Variants in PLEKHA5 observed in about 807,000 individuals in gnomAD.
PLEKHA5 encodes the protein pleckstrin homology domain-containing family A member 5.
PLEKHA5 carries 55 observed loss-of-function variants against 181.9 expected under a neutral mutation model. That is an observed-to-expected ratio of 0.30 (90% CI 0.24 to 0.38). PLEKHA5 has a LOEUF of 0.38. Among genes scored for constraint, PLEKHA5 ranks in the 10% least tolerant of loss-of-function variants. The pLI, the probability that PLEKHA5 is intolerant of heterozygous loss-of-function variation, is 1.00. For missense variants in PLEKHA5, 1,432 were observed against 1,549.5 expected (o/e 0.92, Z 1.27); for synonymous variants, 535 against 529.4 (o/e 1.01, Z -0.15).
rs543201218 is a variant in PLEKHA5 at position 19,244,063 on chromosome 12, T to C, written c.228-9877T>C. 5.9e-5 allele frequency among the ~76,000 whole-genome samples: 9 copies of C among 152,226 alleles called. No individual in the cohort carries two copies. In the South Asian group the frequency reaches 1.9e-3, roughly 32 times the overall value. On this transcript the variant is annotated intron_variant, in intron 3 of 31. Transcript: ENST00000429027. ...CTATGTGAAACATTAAGAAATTTTATATTTAATAATAATTTTTAAATTACT... is the reference window on the plus strand; with the variant it reads ...CTATGTGAAACATTAAGAAATTTTACATTTAATAATAATTTTTAAATTACT...
intron 20 of PLEKHA5, among the ~76,000 whole-genome samples, chr12:19,331,664 A>T (rs1311714003): frequency 6.6e-6 from 1 of 152,142 alleles, no homozygotes; most frequent in African/African-American, 2.4e-5. Flanking sequence ...CTCAGTACAG[A>T]CTACATAGAA....
intron 20 of PLEKHA5, 118 bp from the exon 21 acceptor site, chr12:19,336,397 C>G (rs1222002016): frequency 1.8e-6 from 1 of 551,286 alleles, no homozygotes; most frequent in Non-Finnish European, 3.1e-6. Flanking sequence ...TATAAAAATT[C>G]CTGTTTTGCT....
chr12:19,225,609 G>C lies in PLEKHA5; in HGVS notation c.228-28331G>C, dbSNP rs546217133. 6.6e-5 allele frequency among the ~76,000 whole-genome samples: 10 copies of C among 152,248 alleles called. No homozygotes were observed. In the South Asian group the frequency reaches 2.1e-3, roughly 32 times the overall value. ...TCTGTTAAACCCATTTTTCTCATGA[G>C]AAGCAACAAAAGCATTATAAGGTGA... On this transcript the variant is annotated intron_variant, in intron 3 of 31. Coordinates refer to ENST00000429027, the MANE Select transcript of PLEKHA5 (RefSeq NM_001256470.2).
At chr12:19,363,142 T>TTG (rs1565667560) in intron 29 of PLEKHA5, among the ~76,000 whole-genome samples, 1 of 149,064 alleles carries the variant, frequency 6.7e-6, no homozygotes, top group African/African-American at 2.4e-5. Flanking sequence ...TGTTGTTGTT[T>TTG]TTTTGTTTTT....
intron 30 of PLEKHA5, among the ~76,000 whole-genome samples, chr12:19,367,312 G>A (rs1312042450): frequency 7.9e-6 from 1 of 126,100 alleles, no homozygotes; most frequent in Non-Finnish European, 1.6e-5. Context: ...CTGGAGTGAT[G>A]TGGCGTGATC....
rs2095411165 is a variant in PLEKHA5, at chr12:19,365,902, A to C, written c.3609-62A>C. 6 of 1,214,154 alleles carry C rather than the reference A, an allele frequency of 4.9e-6. 1 individual carries two copies. The South Asian group carries it at 9.1e-5, about 18-fold the overall frequency. The allele number at this position is 1,214,154 out of a possible 1,614,324, so 75.2% of individuals were successfully genotyped here. On this transcript the variant is annotated intron_variant, in intron 29 of 31. Transcript: ENST00000429027. Reference sequence around the variant, plus strand: ...GGTGGTGGCATCTTTTATAACAAAAAAAAGAAAAATTAATTGTATTCTATA... The same window carrying C: ...GGTGGTGGCATCTTTTATAACAAAACAAAGAAAAATTAATTGTATTCTATA...
intron 3 of PLEKHA5, among the ~76,000 whole-genome samples, chr12:19,219,737 CTG>C (rs1314906402): frequency 6.6e-5 from 10 of 151,862 alleles, no homozygotes; most frequent in Non-Finnish European, 1.3e-4. Flanking sequence ...AGGTTATTCT[CTG>C]TACCTAATGT....
intron 3 of PLEKHA5, among the ~76,000 whole-genome samples, chr12:19,168,262 G>A (rs2045014868): frequency 6.6e-6 from 1 of 152,090 alleles, no homozygotes; most frequent in Non-Finnish European, 1.5e-5. Context: ...CTCTTTGGTG[G>A]ACTTTACAGT....
intron 3 of PLEKHA5, among the ~76,000 whole-genome samples, chr12:19,203,638 C>G (rs771708919): frequency 6.6e-6 from 1 of 152,030 alleles, no homozygotes; most frequent in African/African-American, 2.4e-5. Context: ...TCTCTTTTCT[C>G]TAAACTCTCA....
At chr12:19,197,706 GTGTGTGTGTGTGTGTGTGTGTGTGTGTT>G (rs1439269622) in intron 3 of PLEKHA5, among the ~76,000 whole-genome samples, 138 of 149,326 alleles carry the variant, frequency 9.2e-4, no homozygotes, top group Non-Finnish European at 1.5e-3. Flanking sequence ...GTGTGTGTGT[GTGTGTGTGTGTGTGTGTGTGTGTGTGTT>G]TAAGTCGCCT....
At chr12:19,245,832 A>T (rs2063610580) in intron 3 of PLEKHA5, among the ~76,000 whole-genome samples, 1 of 151,820 alleles carries the variant, frequency 6.6e-6, no homozygotes, top group South Asian at 2.1e-4. Context: ...AGGATGCCTA[A>T]CTAAAAGGCA....
chr12:19,131,234 A>G (rs904778537), intron 2 of PLEKHA5, among the ~76,000 whole-genome samples: 10 of 152,130 alleles, frequency 6.6e-5, no homozygotes, highest in African/African-American at 2.4e-4. Flanking sequence ...GGACTCTGAC[A>G]TTCCGTGAAT....
chr12:19,220,337 A>T (rs1415307078), intron 3 of PLEKHA5, among the ~76,000 whole-genome samples: 1 of 152,088 alleles, frequency 6.6e-6, no homozygotes, highest in African/African-American at 2.4e-5. Context: ...TGAAATGCCC[A>T]ATACTTCCTG....
At chr12:19,227,024 A>G (rs377604306) in intron 3 of PLEKHA5, among the ~76,000 whole-genome samples, 4 of 152,194 alleles carry the variant, frequency 2.6e-5, no homozygotes, top group South Asian at 2.1e-4. Flanking sequence ...TCCCAGTTCC[A>G]TACCTCTTTT....
At chr12:19,173,149 G>T (rs564333265) in intron 3 of PLEKHA5, among the ~76,000 whole-genome samples, 3 of 147,268 alleles carry the variant, frequency 2.0e-5, no homozygotes, top group African/African-American at 7.5e-5. Context: ...TCAGCCTCCC[G>T]AGTAGCTGGG....
At chr12:19,316,431 G>A (rs115151190) in intron 16 of PLEKHA5, among the ~76,000 whole-genome samples, 2 of 149,490 alleles carry the variant, frequency 1.3e-5, no homozygotes, top group African/African-American at 2.5e-5. Flanking sequence ...AAGGGCTGAG[G>A]GGGGGGAAAG....
At position 19,314,870 on chromosome 12, in the gene PLEKHA5, G is replaced by A. The variant is rs564269895; in HGVS notation, c.2094G>A (p.Ala698=). 3.4e-5 allele frequency: 53 copies of A among 1,545,632 alleles called. No homozygotes were observed. In the Admixed American group the frequency reaches 8.8e-4, roughly 26 times the overall value. ...TMVHTMIENS[A]LRPQLYQQFL... ...TTCACACAATGATTGAGAACTCGGC[G>A]CTAAGACCCCAACTGTACCAGCAAG... is the stretch of plus-strand genomic sequence containing the variant. The change falls in exon 16 of 32, where the codon GCG becomes GCA. Residue 698 remains alanine, a synonymous_variant. Transcript: ENST00000429027.
At chr12:19,132,661 G>C (rs1220253334) in intron 3 of PLEKHA5, among the ~76,000 whole-genome samples, 3 of 151,710 alleles carry the variant, frequency 2.0e-5, no homozygotes, top group Admixed American at 1.3e-4. Context: ...AATATTCATC[G>C]ATTCATTGAT....
chr12:19,267,044 G>A (rs2070705776), intron 8 of PLEKHA5, among the ~76,000 whole-genome samples: 1 of 152,038 alleles, frequency 6.6e-6, no homozygotes, highest in Non-Finnish European at 1.5e-5. Flanking sequence ...TGGTATTACT[G>A]GTTTGTGGAT....
Sources: allele counts gnomAD v4.1 joint callset (sites outside exome capture counted in the v4.1 genomes callset), GRCh38; gene constraint gnomAD v4.1.1; transcripts MANE v1.5; gene names NCBI Gene and HGNC (gene_info 2026-07-23, HGNC 2026-07-21).